The following FAM168A variants were observed in gnomAD, a reference collection of about 807,000 sequenced individuals.
FAM168A encodes protein FAM168A.
A neutral mutation model predicts 28.5 loss-of-function variants in FAM168A; 3 were observed. The observed-to-expected ratio is 0.11, with a 90% CI of 0.05 to 0.27. The LOEUF (loss-of-function observed/expected upper bound fraction) is 0.27. Among genes scored for constraint, FAM168A ranks in the 10% least tolerant of loss-of-function variants. The pLI, the probability that FAM168A is intolerant of heterozygous loss-of-function variation, is 1.00. For synonymous variants in FAM168A, 122 were observed against 124.2 expected (o/e 0.98, Z 0.12); for missense variants, 222 against 311.5 (o/e 0.71, Z 2.16).
intron 1 of FAM168A, among the ~76,000 whole-genome samples, chr11:73,567,951 C>T (rs1944041515): frequency 1.3e-5 from 2 of 152,162 alleles, no homozygotes; most frequent in Admixed American, 1.3e-4. Flanking sequence ...AGATAAATGT[C>T]CATCTTGTTT....
At chr11:73,445,145 G>A (rs768005929) in intron 2 of FAM168A, among the ~76,000 whole-genome samples, 51 of 152,090 alleles carry the variant, frequency 3.4e-4, no homozygotes, top group Non-Finnish European at 5.7e-4. Context: ...TGTAATCCCA[G>A]CTACTTGGGA....
chr11:73,550,543 T>C (rs1411802658), intron 1 of FAM168A, among the ~76,000 whole-genome samples: 1 of 152,024 alleles, frequency 6.6e-6, no homozygotes, highest in Non-Finnish European at 1.5e-5. Context: ...TAGTCCTAGC[T>C]ACTCAGGAGG....
chr11:73,479,379 C>CA (rs997574836), intron 1 of FAM168A, among the ~76,000 whole-genome samples: 17 of 146,530 alleles, frequency 1.2e-4, no homozygotes, highest in African/African-American at 3.7e-4. Context: ...ATACAGGTTT[C>CA]AAAAAAAATA....
intron 1 of FAM168A, among the ~76,000 whole-genome samples, chr11:73,470,047 G>A (rs1236372912): frequency 6.6e-6 from 1 of 152,026 alleles, no homozygotes; most frequent in Non-Finnish European, 1.5e-5. Context: ...GAGTAGCTGG[G>A]ACTACAGGCA....
chr11:73,539,479 C>T (rs1024472343), intron 1 of FAM168A, among the ~76,000 whole-genome samples: 1 of 152,102 alleles, frequency 6.6e-6, no homozygotes, highest in Admixed American at 6.6e-5. Context: ...CTGTGTTACC[C>T]AGGATGGTCT....
intron 7 of FAM168A, among the ~76,000 whole-genome samples, chr11:73,407,301 TTC>T (rs1396651943): frequency 2.1e-4 from 32 of 152,190 alleles, no homozygotes; most frequent in African/African-American, 7.2e-4. Context: ...CTATTATTAT[TTC>T]TGTTATTATT....
intron 2 of FAM168A, among the ~76,000 whole-genome samples, chr11:73,457,742 A>AG (rs1867565518): frequency 7.3e-6 from 1 of 137,390 alleles, no homozygotes; most frequent in Non-Finnish European, 1.5e-5. Context: ...AAAAAAAAAA[A>AG]AAAAAAAAGA....
chr11:73,544,867 AATTATATAT>A (rs1293809018), intron 1 of FAM168A, among the ~76,000 whole-genome samples: 2 of 95,836 alleles, frequency 2.1e-5, no homozygotes, highest in Non-Finnish European at 1.8e-5. Flanking sequence ...TATAATATAT[AATTATATAT>A]ATTATATATA....
At chr11:73,439,108 C>T (rs547622181) in intron 2 of FAM168A, among the ~76,000 whole-genome samples, 3 of 152,110 alleles carry the variant, frequency 2.0e-5, no homozygotes, top group Non-Finnish European at 4.4e-5. Context: ...TAGGTCAGCC[C>T]AAGCAGGCAG....
At chr11:73,439,879 C>CTTTTTTTTTT (rs761818483) in intron 2 of FAM168A, among the ~76,000 whole-genome samples, 3 of 97,042 alleles carry the variant, frequency 3.1e-5, no homozygotes, top group Non-Finnish European at 5.9e-5. Flanking sequence ...TCTCAGGTCA[C>CTTTTTTTTTT]TTTTTTTTTT....
intron 1 of FAM168A, among the ~76,000 whole-genome samples, chr11:73,555,052 G>A (rs1280363930): frequency 6.6e-6 from 1 of 152,212 alleles, no homozygotes; most frequent in Admixed American, 6.5e-5. Flanking sequence ...CTAATTTAAA[G>A]GAGAAAGACA....
At chr11:73,409,798 G>T in intron 5 of FAM168A, 137 bp from the exon 6 acceptor site, 1 of 799,576 alleles carries the variant, frequency 1.3e-6, no homozygotes. Flanking sequence ...TGTGGTCAGT[G>T]CAGTGCTGGG....
chr11:73,507,528 G>T (rs533138193), intron 1 of FAM168A, among the ~76,000 whole-genome samples: 17 of 152,160 alleles, frequency 1.1e-4, no homozygotes, highest in African/African-American at 3.9e-4. Context: ...ATTGGGTACT[G>T]GGGCTTAATA....
At chr11:73,567,909 A>G (rs1268424726) in intron 1 of FAM168A, among the ~76,000 whole-genome samples, 1 of 152,222 alleles carries the variant, frequency 6.6e-6, no homozygotes, top group African/African-American at 2.4e-5. Flanking sequence ...CACTGTGGTC[A>G]TAAGAGACTT....
At chr11:73,470,924 C>T (rs1310113423) in intron 1 of FAM168A, among the ~76,000 whole-genome samples, 1 of 152,172 alleles carries the variant, frequency 6.6e-6, no homozygotes, top group Non-Finnish European at 1.5e-5. Context: ...AGCTTTGAAA[C>T]TGGTCTCCTG....
intron 1 of FAM168A, among the ~76,000 whole-genome samples, chr11:73,496,267 T>G (rs1176722380): frequency 6.6e-6 from 1 of 152,212 alleles, no homozygotes; most frequent in Non-Finnish European, 1.5e-5. Context: ...CCAAAGAAGT[T>G]AAACTCTTAG....
At chr11:73,556,529 A>AG (rs1943892141) in intron 1 of FAM168A, among the ~76,000 whole-genome samples, 1 of 151,932 alleles carries the variant, frequency 6.6e-6, no homozygotes, top group Non-Finnish European at 1.5e-5. Context: ...GGGGATTGTC[A>AG]GGGGGGTAGG....
chr11:73,429,036 G>T (rs1866938215), intron 3 of FAM168A, among the ~76,000 whole-genome samples: 1 of 152,066 alleles, frequency 6.6e-6, no homozygotes. Context: ...ATAACTTCTT[G>T]GTGTGTGTGT....
intron 1 of FAM168A, among the ~76,000 whole-genome samples, chr11:73,531,972 T>A (rs1395096062): frequency 3.6e-5 from 4 of 110,834 alleles, no homozygotes; most frequent in African/African-American, 6.2e-5. Flanking sequence ...GCCTGGCTAA[T>A]TTTTTTTTTT....
Sources: allele counts gnomAD v4.1 joint callset (sites outside exome capture counted in the v4.1 genomes callset), GRCh38; gene constraint gnomAD v4.1.1; transcripts MANE v1.5; gene names NCBI Gene and HGNC (gene_info 2026-07-23, HGNC 2026-07-21).